The following CDH13 variants were observed in gnomAD, a reference collection of about 807,000 sequenced individuals.
CDH13 encodes the protein cadherin-13.
CDH13 carries 24 observed loss-of-function variants against 63.8 expected under a neutral mutation model. The observed-to-expected ratio is 0.38, with a 90% CI of 0.27 to 0.53. The LOEUF is 0.53. Among genes scored for constraint, CDH13 ranks in the 20% least tolerant of loss-of-function variants. The pLI is 0.85. For missense variants in CDH13, 1,049 were observed against 903.1 expected (o/e 1.16, Z -2.07); for synonymous variants, 503 against 355.3 (o/e 1.42, Z -4.67).
At chr16:83,292,709 A>G (rs1313390892) in intron 5 of CDH13, among the ~76,000 whole-genome samples, 2 of 152,140 alleles carry the variant, frequency 1.3e-5, no homozygotes, top group Admixed American at 1.3e-4. Flanking sequence ...AAAAACAACA[A>G]CCATGATCAG....
intron 6 of CDH13, among the ~76,000 whole-genome samples, chr16:83,453,859 T>A (rs1049547760): frequency 6.6e-6 from 1 of 152,232 alleles, no homozygotes; most frequent in African/African-American, 2.4e-5. Flanking sequence ...ATGTGCCTGA[T>A]AATGACCCTG....
At chr16:83,306,271 C>T (rs572614970) in intron 5 of CDH13, among the ~76,000 whole-genome samples, 102 of 152,300 alleles carry the variant, frequency 6.7e-4, no homozygotes, top group African/African-American at 2.4e-3. Context: ...TTCTGGTTCC[C>T]ACCAAGGCTT....
At chr16:83,231,724 C>T (rs1336844758) in intron 5 of CDH13, among the ~76,000 whole-genome samples, 2 of 152,266 alleles carry the variant, frequency 1.3e-5, no homozygotes, top group African/African-American at 4.8e-5. Flanking sequence ...TACTCTGCCC[C>T]TCTACAGAAA....
chr16:82,830,325 G>A (rs2038477367), intron 1 of CDH13, among the ~76,000 whole-genome samples: 1 of 152,250 alleles, frequency 6.6e-6, no homozygotes, highest in African/African-American at 2.4e-5. Context: ...GCTAGGCTCT[G>A]TTATGACATA....
rs7202232 is a variant in CDH13 at position 83,161,617 on chromosome 16, C to G, written c.483+36116C>G. 9.5e-3 allele frequency among the ~76,000 whole-genome samples: 1,441 copies of G among 152,208 alleles called. 21 individuals carry two copies. Among genetic ancestry groups the G allele is most frequent in the African/African-American group, 0.033 (1,374 of 41,528 alleles). On this transcript the variant is annotated intron_variant, in intron 4 of 13. Transcript: ENST00000567109. ...CCACAACCACCAGCATTTGTCTTGA[C>G]AAACCACCAACATTTCCCTCCCCCG...
intron 8 of CDH13, among the ~76,000 whole-genome samples, chr16:83,645,015 C>A (rs1410867873): frequency 6.6e-6 from 1 of 152,212 alleles, no homozygotes; most frequent in Admixed American, 6.5e-5. Flanking sequence ...TAACCCCATT[C>A]CTGAGTTTCC....
intron 10 of CDH13, among the ~76,000 whole-genome samples, chr16:83,686,745 T>A (rs1393872756): frequency 6.6e-6 from 1 of 152,184 alleles, no homozygotes; most frequent in Non-Finnish European, 1.5e-5. Context: ...TGATACAGTT[T>A]GGGGTGAGGC....
At chr16:83,325,523 C>T (rs1336020241) in intron 5 of CDH13, among the ~76,000 whole-genome samples, 2 of 152,164 alleles carry the variant, frequency 1.3e-5, no homozygotes, top group Non-Finnish European at 2.9e-5. Context: ...TTACTCAGTT[C>T]TGCTTTTCTA....
chr16:82,983,073 G>T (rs1279184760), intron 2 of CDH13, among the ~76,000 whole-genome samples: 1 of 152,132 alleles, frequency 6.6e-6, no homozygotes, highest in East Asian at 1.9e-4. Flanking sequence ...TGACGCTATG[G>T]TTTTTATTAT....
chr16:82,687,713 A>G (rs1378071659), intron 1 of CDH13, among the ~76,000 whole-genome samples: 1 of 152,132 alleles, frequency 6.6e-6, no homozygotes, highest in African/African-American at 2.4e-5. Flanking sequence ...GGCTGGGGAC[A>G]CAGAGCCAAG....
chr16:83,316,817 A>G lies in CDH13; in HGVS notation c.637-28045A>G, dbSNP rs114027031. 4.0e-3 allele frequency among the ~76,000 whole-genome samples: 614 copies of G among 152,288 alleles called. 7 individuals are homozygous for G. Among genetic ancestry groups the G allele is most frequent in the African/African-American group, 0.014 (584 of 41,560 alleles). The stretch of plus-strand genomic sequence containing the variant: ...ACAACTTCAAAATCACACTGGCCTA[A>G]AACAACAGATATTTATGCTTGTCTT... On this transcript the variant is annotated intron_variant, in intron 5 of 13. Coordinates refer to ENST00000567109, the MANE Select transcript of CDH13 (RefSeq NM_001257.5).
intron 1 of CDH13, among the ~76,000 whole-genome samples, chr16:82,704,679 C>T (rs1276018189): frequency 6.6e-6 from 1 of 152,144 alleles, no homozygotes; most frequent in Non-Finnish European, 1.5e-5. Flanking sequence ...GAGGAAGAAG[C>T]AGGGCTCAGT....
chr16:83,568,060 C>G (rs891676376), intron 7 of CDH13, among the ~76,000 whole-genome samples: 6 of 152,158 alleles, frequency 3.9e-5, no homozygotes, highest in African/African-American at 1.4e-4. Flanking sequence ...AGGATGCGCA[C>G]CAACTGTCCG....
chr16:83,648,314 T>C (rs957055171), intron 8 of CDH13, among the ~76,000 whole-genome samples: 1 of 152,174 alleles, frequency 6.6e-6, no homozygotes, highest in Non-Finnish European at 1.5e-5. Flanking sequence ...GAACTTTCCA[T>C]ATGGACTGTT....
At chr16:83,434,575 C>T (rs1418924369) in intron 6 of CDH13, among the ~76,000 whole-genome samples, 1 of 151,830 alleles carries the variant, frequency 6.6e-6, no homozygotes, top group Non-Finnish European at 1.5e-5. Context: ...CCATCTCAAA[C>T]TCAATTAAAA....
chr16:82,817,488 C>T (rs1396453878), intron 1 of CDH13, among the ~76,000 whole-genome samples: 3 of 152,132 alleles, frequency 2.0e-5, no homozygotes, highest in African/African-American at 7.2e-5. Context: ...TATAGTTACA[C>T]TTAAATGCAC....
intron 4 of CDH13, among the ~76,000 whole-genome samples, chr16:83,185,401 A>G (rs1377093310): frequency 6.6e-6 from 1 of 152,224 alleles, no homozygotes; most frequent in African/African-American, 2.4e-5. Context: ...GTGTTGCTGT[A>G]AAAATTGTCA....
At chr16:82,674,906 A>G (rs371752779) in intron 1 of CDH13, among the ~76,000 whole-genome samples, 2 of 152,196 alleles carry the variant, frequency 1.3e-5, no homozygotes, top group South Asian at 2.1e-4. Context: ...TCTGGATTCA[A>G]AAAGTCATAA....
At chr16:83,316,864 G>A (rs976197053) in intron 5 of CDH13, among the ~76,000 whole-genome samples, 6 of 152,148 alleles carry the variant, frequency 3.9e-5, no homozygotes, top group Non-Finnish European at 8.8e-5. Flanking sequence ...TTGATCAGCT[G>A]AGCTTCATCT....
Sources: gnomAD v4.1 joint callset for allele counts (sites outside exome capture counted in the v4.1 genomes callset) on GRCh38, gnomAD v4.1.1 for gene constraint, MANE v1.5 for transcripts, NCBI Gene and HGNC (gene_info 2026-07-23, HGNC 2026-07-21) for gene names.